IQCM: variants seen among roughly 807,000 people sequenced by gnomAD.
IQCM encodes the protein IQ domain-containing protein M.
IQCM carries 45 observed loss-of-function variants against 57.6 expected under a neutral mutation model. The observed-to-expected ratio is 0.78, with a 90% CI of 0.62 to 1.00. The LOEUF is 1.00. Ranked by LOEUF, IQCM falls within the 50% of genes least tolerant of loss-of-function variation. The pLI is 0.00. For missense variants in IQCM, 468 were observed against 511.6 expected (o/e 0.91, Z 0.82); for synonymous variants, 148 against 158.9 (o/e 0.93, Z 0.51).
At chr4:149,776,212 G>C (rs1429199249) in intron 2 of IQCM, among the ~76,000 whole-genome samples, 1 of 151,996 alleles carries the variant, frequency 6.6e-6, no homozygotes, top group African/African-American at 2.4e-5. Flanking sequence ...AAGGAAAATT[G>C]GAACATATAA....
chr4:149,373,078 G>A (rs1489628727), intron 13 of IQCM, among the ~76,000 whole-genome samples: 1 of 152,164 alleles, frequency 6.6e-6, no homozygotes, highest in Non-Finnish European at 1.5e-5. Flanking sequence ...ATGTTGACTA[G>A]ACTGATATTG....
intron 5 of IQCM, among the ~76,000 whole-genome samples, chr4:149,698,128 C>A (rs1382893921): frequency 6.6e-6 from 1 of 151,610 alleles, no homozygotes; most frequent in Non-Finnish European, 1.5e-5. Flanking sequence ...TCCTACTCTA[C>A]CTTCATGTAA....
intron 12 of IQCM, among the ~76,000 whole-genome samples, chr4:149,486,280 G>A (rs1741499897): frequency 6.6e-6 from 1 of 152,064 alleles, no homozygotes; most frequent in African/African-American, 2.4e-5. Flanking sequence ...GGAGTCCAGA[G>A]CTTGGAATCA....
intron 9 of IQCM, among the ~76,000 whole-genome samples, chr4:149,569,082 A>G (rs1503698): frequency 1 from 152,305 of 152,322 alleles, 76,144 homozygotes; most frequent in Non-Finnish European, 1. Context: ...AAGCCAGCAA[A>G]TCTCTAAAGG....
At chr4:149,440,097 C>T (rs1046759234) in intron 12 of IQCM, among the ~76,000 whole-genome samples, 8 of 144,950 alleles carry the variant, frequency 5.5e-5, no homozygotes, top group Non-Finnish European at 6.0e-5. Context: ...GCTAGGATTA[C>T]AGGCATGTGC....
chr4:149,518,030 T>C lies in IQCM; in HGVS notation c.1228+30425A>G, dbSNP rs553406669. Among the ~76,000 whole-genome samples, 4 of 152,348 alleles carry C rather than the reference T, an allele frequency of 2.6e-5. No homozygotes were observed. In the South Asian group the frequency reaches 8.3e-4, roughly 32 times the overall value. Reference sequence around the variant, plus strand: ...CAGAGGTTCTTGACTAGTTGAGGTATGTTGTTATAGTAATGACACAAGCAT... The same window carrying C: ...CAGAGGTTCTTGACTAGTTGAGGTACGTTGTTATAGTAATGACACAAGCAT... On this transcript the variant is annotated intron_variant, in intron 12 of 13. Coordinates refer to ENST00000636793, the MANE Select transcript of IQCM (RefSeq NM_001363507.2).
At chr4:149,767,817 A>G (rs1485971531) in intron 2 of IQCM, among the ~76,000 whole-genome samples, 1 of 152,114 alleles carries the variant, frequency 6.6e-6, no homozygotes, top group Non-Finnish European at 1.5e-5. Flanking sequence ...TGCAATCCCT[A>G]TGCGTAAATA....
intron 8 of IQCM, among the ~76,000 whole-genome samples, chr4:149,604,969 C>T (rs1754646117): frequency 6.6e-6 from 1 of 152,136 alleles, no homozygotes; most frequent in African/African-American, 2.4e-5. Context: ...TTTCATTCTC[C>T]CATCCAGGTA....
chr4:149,615,720 G>C (rs1448248559), intron 8 of IQCM, among the ~76,000 whole-genome samples: 1 of 152,120 alleles, frequency 6.6e-6, no homozygotes. Flanking sequence ...TTAAAATTTT[G>C]ATAAGACTAA....
At chr4:149,675,823 T>A (rs557773321) in intron 7 of IQCM, among the ~76,000 whole-genome samples, 6 of 152,030 alleles carry the variant, frequency 3.9e-5, no homozygotes, top group Non-Finnish European at 2.9e-5. Flanking sequence ...TGTAGAGATG[T>A]TTTTAATATC....
intron 8 of IQCM, among the ~76,000 whole-genome samples, chr4:149,603,896 A>G (rs1011412013): frequency 6.6e-6 from 1 of 152,032 alleles, no homozygotes; most frequent in Admixed American, 6.6e-5. Context: ...AACTATGTGT[A>G]TATGCACACC....
At chr4:149,551,461 AC>A (rs1227745479) in intron 11 of IQCM, among the ~76,000 whole-genome samples, 1 of 152,222 alleles carries the variant, frequency 6.6e-6, no homozygotes, top group Admixed American at 6.5e-5. Flanking sequence ...AAGTAAAGCT[AC>A]GAAAAATAAG....
intron 2 of IQCM, among the ~76,000 whole-genome samples, chr4:149,758,312 T>C (rs1116669): frequency 0.24 from 36,400 of 151,950 alleles, 6,507 homozygotes; most frequent in African/African-American, 0.5. Flanking sequence ...AACCTTACAC[T>C]CTTCTCAAAA....
At chr4:149,803,011 T>C (rs1302104944) in intron 2 of IQCM, among the ~76,000 whole-genome samples, 1 of 151,990 alleles carries the variant, frequency 6.6e-6, no homozygotes, top group Non-Finnish European at 1.5e-5. Flanking sequence ...AGTTAGACTC[T>C]ATGATTAGCC....
intron 5 of IQCM, among the ~76,000 whole-genome samples, chr4:149,729,896 A>G (rs1418328557): frequency 6.6e-6 from 1 of 152,124 alleles, no homozygotes; most frequent in Non-Finnish European, 1.5e-5. Flanking sequence ...AGTACCTAGT[A>G]TCTCTCTATG....
intron 13 of IQCM, among the ~76,000 whole-genome samples, chr4:149,420,319 G>T (rs1282684045): frequency 6.6e-6 from 1 of 151,962 alleles, no homozygotes; most frequent in Non-Finnish European, 1.5e-5. Context: ...GCCACAAAAA[G>T]AAACAAGATC....
chr4:149,758,279 C>T (rs1769177519), intron 2 of IQCM, among the ~76,000 whole-genome samples: 1 of 152,058 alleles, frequency 6.6e-6, no homozygotes, highest in African/African-American at 2.4e-5. Flanking sequence ...CATCCAGATG[C>T]AAAAACAAAG....
intron 13 of IQCM, among the ~76,000 whole-genome samples, chr4:149,430,689 C>G (rs940093095): frequency 1.3e-5 from 2 of 151,924 alleles, no homozygotes; most frequent in Non-Finnish European, 2.9e-5. Context: ...CCAGGTTTTT[C>G]TTTTATACTG....
chr4:149,663,742 T>C (rs1760440862), intron 7 of IQCM, among the ~76,000 whole-genome samples: 1 of 152,128 alleles, frequency 6.6e-6, no homozygotes, highest in African/African-American at 2.4e-5. Flanking sequence ...GATGTTTCTC[T>C]CATGCAGCTT....
Sources: allele counts gnomAD v4.1 joint callset (sites outside exome capture counted in the v4.1 genomes callset), GRCh38; gene constraint gnomAD v4.1.1; transcripts MANE v1.5; gene names NCBI Gene and HGNC (gene_info 2026-07-23, HGNC 2026-07-21).